ADAM12: variants seen among roughly 807,000 people sequenced by gnomAD.
ADAM12 encodes disintegrin and metalloproteinase domain-containing protein 12.
A neutral mutation model predicts 106.4 loss-of-function variants in ADAM12; 70 were observed. That is an observed-to-expected ratio of 0.66 (90% CI 0.54 to 0.80). The LOEUF is 0.80. Ranked by LOEUF, ADAM12 falls within the 30% of genes least tolerant of loss-of-function variation. The pLI is 0.00. For missense variants in ADAM12, 1,010 were observed against 1,171.9 expected (o/e 0.86, Z 2.02); for synonymous variants, 420 against 433.5 (o/e 0.97, Z 0.39).
intron 3 of ADAM12, among the ~76,000 whole-genome samples, chr10:126,276,984 G>A (rs1201889096): frequency 6.6e-6 from 1 of 152,138 alleles, no homozygotes; most frequent in Non-Finnish European, 1.5e-5. Context: ...AACCAGACGG[G>A]CTCTAAGAAA....
intron 3 of ADAM12, among the ~76,000 whole-genome samples, chr10:126,175,322 A>G (rs1040190384): frequency 6.6e-6 from 1 of 152,228 alleles, no homozygotes; most frequent in Non-Finnish European, 1.5e-5. Context: ...CACCTCCACA[A>G]TGGCCTGCCT....
chr10:126,319,104 CA>C (rs1392606193), intron 2 of ADAM12, among the ~76,000 whole-genome samples: 2 of 152,268 alleles, frequency 1.3e-5, no homozygotes, highest in Middle Eastern at 3.4e-3. Context: ...CAAACCATAT[CA>C]ATAACCATAA....
chr10:126,186,843 C>T (rs914042310), intron 3 of ADAM12, among the ~76,000 whole-genome samples: 3 of 152,152 alleles, frequency 2.0e-5, no homozygotes, highest in Non-Finnish European at 4.4e-5. Flanking sequence ...GGATGGACAG[C>T]GAACAACACT....
At chr10:126,263,736 T>C (rs2133715776) in intron 3 of ADAM12, among the ~76,000 whole-genome samples, 1 of 152,332 alleles carries the variant, frequency 6.6e-6, no homozygotes, top group African/African-American at 2.4e-5. Flanking sequence ...TTGAATAACA[T>C]ATTTCCATCT....
At chr10:126,096,578 C>T (rs1184661055) in intron 10 of ADAM12, among the ~76,000 whole-genome samples, 1 of 152,202 alleles carries the variant, frequency 6.6e-6, no homozygotes, top group African/African-American at 2.4e-5. Context: ...ATTCCTTCCT[C>T]TTAGATTTGT....
Position 126,064,750 on chromosome 10 carries a change from C to T in ADAM12, c.1609+56G>A. 1 of 1,522,364 alleles carries T rather than the reference C, an allele frequency of 6.6e-7. No individual in the cohort carries two copies. Among genetic ancestry groups the T allele is most frequent in the Non-Finnish European group, 8.8e-7 (1 of 1,132,700 alleles). The allele number at this position is 1,522,364 out of a possible 1,614,324, so 94.3% of individuals were successfully genotyped here. ...AAAACAGAGCACATGCCCCCAGTCC[C>T]ACAGCCCAGGTCTGCCAGTGCCTCT... On this transcript the variant is annotated intron_variant, in intron 14 of 22. Coordinates refer to ENST00000448723, the MANE Select transcript of ADAM12 (RefSeq NM_001288973.2). This position sits in a 1 kb window ranked among gnomAD's most constrained non-coding sequence, Gnocchi z 4.4.
chr10:126,221,389 C>CAAAAAAAAAAAAAA, intron 3 of ADAM12, among the ~76,000 whole-genome samples: 1 of 100,690 alleles, frequency 9.9e-6, no homozygotes, highest in East Asian at 2.7e-4. Flanking sequence ...GACTCTGTCT[C>CAAAAAAAAAAAAAA]AAAAAAAAAA....
Position 126,120,780 on chromosome 10 carries a change from C to T in ADAM12, c.417-2556G>A, listed in dbSNP as rs370144078. Among the ~76,000 whole-genome samples the T allele has an allele frequency of 1.5e-3, 230 of 150,300 alleles. 8 individuals are homozygous for T. In the South Asian group the frequency reaches 0.048, roughly 31 times the overall value. Reference sequence around the variant, plus strand: ...ATTTTCTGAGCCCCAACATACATAACCACAAAATTTTGCAGATTATTTTAG... The same window carrying T: ...ATTTTCTGAGCCCCAACATACATAATCACAAAATTTTGCAGATTATTTTAG... On this transcript the variant is annotated intron_variant, in intron 5 of 22. Transcript: ENST00000448723.
intron 10 of ADAM12, among the ~76,000 whole-genome samples, chr10:126,094,783 C>T (rs1289472104): frequency 1.3e-5 from 2 of 152,140 alleles, no homozygotes; most frequent in African/African-American, 4.8e-5. Flanking sequence ...TGTTGCCAGG[C>T]AGACTTTGGA....
chr10:126,098,291 TAA>T, intron 10 of ADAM12, 123 bp downstream of exon 10: 1 of 794,318 alleles, frequency 1.3e-6, no homozygotes, highest in Non-Finnish European at 2.1e-6. Flanking sequence ...ACAGCTACAG[TAA>T]AAATAGAGTT....
At chr10:126,274,573 C>T (rs983340011) in intron 3 of ADAM12, among the ~76,000 whole-genome samples, 11 of 152,184 alleles carry the variant, frequency 7.2e-5, no homozygotes, top group African/African-American at 2.4e-4. Context: ...TCTTCATAAT[C>T]CAGATTTTGC....
chr10:126,179,806 G>T (rs1957281399), intron 3 of ADAM12, among the ~76,000 whole-genome samples: 1 of 152,210 alleles, frequency 6.6e-6, no homozygotes, highest in Middle Eastern at 3.4e-3. Context: ...AGCAGTTCAT[G>T]CATGGCATGC....
rs1210877081 is a variant in ADAM12, at chr10:126,388,092, C to T, written c.54G>A (p.Leu18=). The change falls in exon 1 of 23, where the codon CTG becomes CTA. Residue 18 remains leucine, a synonymous_variant. Transcript: ENST00000448723. This position sits in a 1 kb window ranked among gnomAD's most constrained non-coding sequence, Gnocchi z 4.4. ...CGCAGGGCGCGAGCAGAGCACCGGC[C>T]AGGGCGAGCAGGAGGGCGCGGGCGG... is the stretch of plus-strand genomic sequence containing the variant. ...VSPARALLLA[L]AGALLAPCEA... 1 of 1,233,824 alleles carries T rather than the reference C, an allele frequency of 8.1e-7. No homozygotes were observed. The highest frequency in any genetic ancestry group is 3.9e-5 in the South Asian group (1 of 25,880). The allele number at this position is 1,233,824 out of a possible 1,614,324, so 76.4% of individuals were successfully genotyped here.
intron 2 of ADAM12, among the ~76,000 whole-genome samples, chr10:126,309,089 A>G (rs752935650): frequency 2.0e-5 from 3 of 152,164 alleles, no homozygotes; most frequent in Non-Finnish European, 4.4e-5. Flanking sequence ...CCTTCCCCCT[A>G]TGCCAAGAGT....
At chr10:126,227,249 C>T (rs1958214554) in intron 3 of ADAM12, among the ~76,000 whole-genome samples, 1 of 152,134 alleles carries the variant, frequency 6.6e-6, no homozygotes, top group Non-Finnish European at 1.5e-5. Context: ...ATTACCACAT[C>T]ATCACCATCG....
chr10:126,263,412 C>A (rs1201223257), intron 3 of ADAM12, among the ~76,000 whole-genome samples: 1 of 152,152 alleles, frequency 6.6e-6, no homozygotes, highest in Non-Finnish European at 1.5e-5. Flanking sequence ...CCAGAGATTT[C>A]ATGTTTCCTT....
chr10:126,086,707 A>ATATATATAT (rs1449849709), intron 11 of ADAM12, among the ~76,000 whole-genome samples: 3 of 92,932 alleles, frequency 3.2e-5, no homozygotes, highest in East Asian at 3.4e-4. Flanking sequence ...ATATATATAT[A>ATATATATAT]AAATAAAATA....
intron 10 of ADAM12, among the ~76,000 whole-genome samples, chr10:126,098,031 ACCAT>A (rs1955589444): frequency 6.6e-6 from 1 of 152,206 alleles, no homozygotes; most frequent in African/African-American, 2.4e-5. Context: ...CCATCAGAAA[ACCAT>A]CCAAACGGGA....
At chr10:126,069,051 G>A (rs1179012687) in intron 12 of ADAM12, among the ~76,000 whole-genome samples, 4 of 152,160 alleles carry the variant, frequency 2.6e-5, no homozygotes, top group Non-Finnish European at 4.4e-5. Context: ...CCCTCTGTGG[G>A]CCAGGGAATG....
Sources: allele counts gnomAD v4.1 joint callset (sites outside exome capture counted in the v4.1 genomes callset), GRCh38; gene constraint gnomAD v4.1.1; non-coding constraint Gnocchi (gnomAD v3.1); transcripts MANE v1.5; gene names NCBI Gene and HGNC (gene_info 2026-07-23, HGNC 2026-07-21).